Variants in CDKAL1 observed in about 807,000 individuals in gnomAD.
CDKAL1 encodes CDKAL1 threonylcarbamoyladenosine tRNA methylthiotransferase.
A neutral mutation model predicts 68.2 loss-of-function variants in CDKAL1; 32 were observed. That is an observed-to-expected ratio of 0.47 (90% CI 0.35 to 0.63). The LOEUF is 0.63. Ranked by LOEUF, CDKAL1 falls within the 30% of genes least tolerant of loss-of-function variation. The pLI is 0.00. For synonymous variants in CDKAL1, 234 were observed against 244.3 expected (o/e 0.96, Z 0.39); for missense variants, 606 against 696.7 (o/e 0.87, Z 1.47).
chr6:21,109,902 G>A (rs887922833), intron 13 of CDKAL1, among the ~76,000 whole-genome samples: 11 of 152,272 alleles, frequency 7.2e-5, no homozygotes, highest in African/African-American at 2.6e-4. Flanking sequence ...TTTTAAATTC[G>A]CAGTTAAGGG....
At chr6:21,059,136 C>T (rs925303952) in intron 11 of CDKAL1, among the ~76,000 whole-genome samples, 25 of 152,142 alleles carry the variant, frequency 1.6e-4, no homozygotes, top group African/African-American at 6.0e-4. Flanking sequence ...ACAGGGAGGC[C>T]CCACTCAGTG....
chr6:20,679,828 C>T (rs968037453), intron 5 of CDKAL1, among the ~76,000 whole-genome samples: 3 of 152,068 alleles, frequency 2.0e-5, no homozygotes, highest in African/African-American at 7.2e-5. Flanking sequence ...GTTTTTGAAG[C>T]CTAAGGGTTT....
intron 8 of CDKAL1, among the ~76,000 whole-genome samples, chr6:20,814,667 G>A (rs899521380): frequency 2.6e-5 from 4 of 152,176 alleles, no homozygotes; most frequent in Non-Finnish European, 5.9e-5. Context: ...TAAGTCAGAA[G>A]GCTTTTGCTG....
At chr6:20,722,497 G>T (rs1581447040) in intron 5 of CDKAL1, 1 of 324,210 alleles carries the variant, frequency 3.1e-6, no homozygotes, top group Non-Finnish European at 5.9e-6. Context: ...CAGAAAATGG[G>T]TTTAGTATGC....
At chr6:20,958,282 C>T (rs1188091919) in intron 10 of CDKAL1, among the ~76,000 whole-genome samples, 1 of 152,204 alleles carries the variant, frequency 6.6e-6, no homozygotes, top group African/African-American at 2.4e-5. Flanking sequence ...AGGTTTTAAA[C>T]TCTTCCTTTG....
chr6:21,053,921 A>AT (rs1770683503), intron 11 of CDKAL1, among the ~76,000 whole-genome samples: 1 of 151,952 alleles, frequency 6.6e-6, no homozygotes. Context: ...TTCTCTTTTC[A>AT]TTTTTTAACG....
At chr6:21,120,016 C>T (rs1271069397) in intron 13 of CDKAL1, among the ~76,000 whole-genome samples, 1 of 152,146 alleles carries the variant, frequency 6.6e-6, no homozygotes, top group Admixed American at 6.5e-5. Flanking sequence ...TTAATTTCAC[C>T]TTCTTTGCCT....
intron 15 of CDKAL1, among the ~76,000 whole-genome samples, chr6:21,204,415 T>A (rs1178371923): frequency 6.6e-6 from 1 of 152,204 alleles, no homozygotes; most frequent in Non-Finnish European, 1.5e-5. Context: ...AGAAATATAC[T>A]AGTAAATACC....
Position 20,649,299 on chromosome 6 carries a change from C to A in CDKAL1, c.293C>A (p.Ala98Glu). Residue 98 changes from alanine to glutamate, a missense_variant, in exon 5 of 16, where the codon GCA becomes GAA. Transcript: ENST00000274695. Reference protein sequence around the residue: ...AAYGYKITENASDADLWLLNS... With the variant: ...AAYGYKITENESDADLWLLNS... ...GTGTTCATTTTTTTAATAGAAAATG[C>A]ATCCGATGCAGATTTATGGCTCCTG... The A allele has an allele frequency of 6.2e-7, 1 of 1,603,818 alleles. No homozygotes were observed. Among genetic ancestry groups the A allele is most frequent in the Non-Finnish European group, 8.5e-7 (1 of 1,175,290 alleles).
At chr6:21,092,564 C>G (rs1050762442) in intron 12 of CDKAL1, among the ~76,000 whole-genome samples, 1 of 151,898 alleles carries the variant, frequency 6.6e-6, no homozygotes, top group Non-Finnish European at 1.5e-5. Flanking sequence ...GATCAATCAG[C>G]TTTTTAAGCC....
At chr6:20,965,440 GGGGGA>G (rs1298018987) in intron 10 of CDKAL1, among the ~76,000 whole-genome samples, 11 of 146,276 alleles carry the variant, frequency 7.5e-5, no homozygotes, top group African/African-American at 1.3e-4. Flanking sequence ...GGGGAGGGGA[GGGGGA>G]ACATTATAAT....
chr6:20,968,532 C>T (rs1381829628), intron 10 of CDKAL1, among the ~76,000 whole-genome samples: 1 of 152,004 alleles, frequency 6.6e-6, no homozygotes, highest in Admixed American at 6.6e-5. Flanking sequence ...TCCTTTCTTT[C>T]CTTTCCTAGA....
At chr6:20,974,032 CAA>C (rs1765725432) in intron 10 of CDKAL1, among the ~76,000 whole-genome samples, 1 of 152,178 alleles carries the variant, frequency 6.6e-6, no homozygotes, top group African/African-American at 2.4e-5. Context: ...GAGGATAAAA[CAA>C]AGAGGCCCCA....
At chr6:21,019,865 G>A (rs1197508108) in intron 11 of CDKAL1, among the ~76,000 whole-genome samples, 2 of 151,780 alleles carry the variant, frequency 1.3e-5, no homozygotes, top group African/African-American at 2.4e-5. Flanking sequence ...CTAGCATTGA[G>A]GAAAGAACCC....
At chr6:21,120,729 A>G (rs1263467735) in intron 13 of CDKAL1, among the ~76,000 whole-genome samples, 1 of 152,036 alleles carries the variant, frequency 6.6e-6, no homozygotes, top group Non-Finnish European at 1.5e-5. Context: ...TTCTTTTTTC[A>G]CTTTACAGTA....
At position 21,126,612 on chromosome 6, in the gene CDKAL1, C is replaced by T. The variant is rs546544112; in HGVS notation, c.1299+18149C>T. Among the ~76,000 whole-genome samples the T allele has an allele frequency of 7.2e-5, 11 of 152,220 alleles. No individual in the cohort carries two copies. The South Asian group carries it at 8.3e-4, about 11-fold the overall frequency. ...TCCTTTGCTTGTACTGCAGCTCCCA[C>T]CCCTCATGAATCAGTTTCTATTTGT... On this transcript the variant is annotated intron_variant, in intron 13 of 15. Coordinates refer to ENST00000274695, the MANE Select transcript of CDKAL1 (RefSeq NM_017774.3).
chr6:20,701,149 G>A (rs1368106259), intron 5 of CDKAL1, among the ~76,000 whole-genome samples: 1 of 152,016 alleles, frequency 6.6e-6, no homozygotes, highest in Admixed American at 6.6e-5. Flanking sequence ...TAAAGAAGCC[G>A]GCTAGCAGCT....
At chr6:20,753,109 T>C (rs1380788894) in intron 6 of CDKAL1, among the ~76,000 whole-genome samples, 2 of 152,190 alleles carry the variant, frequency 1.3e-5, no homozygotes, top group Non-Finnish European at 2.9e-5. Flanking sequence ...ATTACCACAA[T>C]TAATTTTAGA....
chr6:20,662,629 T>G (rs1176905429), intron 5 of CDKAL1, among the ~76,000 whole-genome samples: 1 of 152,142 alleles, frequency 6.6e-6, no homozygotes, highest in Non-Finnish European at 1.5e-5. Flanking sequence ...CAGAGTTCCT[T>G]AGGGGCAGCC....
Sources: allele counts gnomAD v4.1 joint callset (sites outside exome capture counted in the v4.1 genomes callset), GRCh38; gene constraint gnomAD v4.1.1; transcripts MANE v1.5; gene names NCBI Gene and HGNC (gene_info 2026-07-23, HGNC 2026-07-21).